Variants in LRFN5 observed in about 807,000 individuals in gnomAD.
LRFN5 encodes leucine-rich repeat and fibronectin type-III domain-containing protein 5.
Under a neutral mutation model 45.6 loss-of-function variants are expected in LRFN5, and 24 were observed. The ratio of observed to expected loss-of-function variants is 0.53; its 90% CI spans 0.38 to 0.74. LRFN5 has a LOEUF of 0.74. LRFN5 is among the 30% of genes least tolerant of loss of function. The pLI, the probability that LRFN5 is intolerant of heterozygous loss-of-function variation, is 0.00. For missense variants in LRFN5, 776 were observed against 861.5 expected, an observed-to-expected ratio of 0.90 and a Z score of 1.24; for synonymous variants, 340 against 313.8, an observed-to-expected ratio of 1.08 and a Z score of -0.88.
chr14:41,667,571 C>T (rs903801520), intron 1 of LRFN5, among the ~76,000 whole-genome samples: 7 of 152,152 alleles, frequency 4.6e-5, no homozygotes, highest in Non-Finnish European at 1.0e-4. Context: ...TGCCCCTTTC[C>T]TGAATCTATA....
intron 2 of LRFN5, among the ~76,000 whole-genome samples, chr14:41,795,283 G>A (rs1237165091): frequency 6.6e-6 from 1 of 152,074 alleles, no homozygotes; most frequent in Non-Finnish European, 1.5e-5. Context: ...AACAATAGGT[G>A]CTGGAGAGGA....
rs74047917 is a variant in LRFN5 at position 41,745,264 on chromosome 14, A to G, written c.-196-21590A>G. ...AATTTGTCAAAATTAAATAACATAT[A>G]TTTGTGGAAATTAAATAACACAAAT... On this transcript the variant is annotated intron_variant, in intron 1 of 5. Coordinates refer to ENST00000298119, the MANE Select transcript of LRFN5 (RefSeq NM_152447.5). 1.6e-3 allele frequency among the ~76,000 whole-genome samples: 237 copies of G among 152,258 alleles called. 1 individual carries two copies. Among genetic ancestry groups the G allele is most frequent in the African/African-American group, 5.5e-3 (227 of 41,578 alleles).
intron 1 of LRFN5, among the ~76,000 whole-genome samples, chr14:41,754,009 C>G (rs934938744): frequency 6.6e-6 from 1 of 152,160 alleles, no homozygotes; most frequent in African/African-American, 2.4e-5. Context: ...TTTTCTGCAT[C>G]TATTGAGATA....
intron 5 of LRFN5, 78 bp downstream of exon 5, chr14:41,899,038 AGTTT>A: frequency 1.7e-6 from 2 of 1,162,186 alleles, no homozygotes; most frequent in Non-Finnish European, 1.2e-6. Flanking sequence ...TTAAGTAATT[AGTTT>A]GCTAATTTAT....
At chr14:41,728,642 A>C (rs1216707992) in intron 1 of LRFN5, among the ~76,000 whole-genome samples, 4 of 152,156 alleles carry the variant, frequency 2.6e-5, no homozygotes, top group African/African-American at 9.6e-5. Flanking sequence ...TTTCTCTCCT[A>C]ATTCTTTATC....
At chr14:41,699,785 A>C (rs1462531984) in intron 1 of LRFN5, 1 of 152,106 alleles carries the variant, frequency 6.6e-6, no homozygotes, top group African/African-American at 2.4e-5. Flanking sequence ...CATCAACAGA[A>C]CATTTGAAAG....
chr14:41,893,986 T>C lies in LRFN5; in HGVS notation c.2098+2024T>C, dbSNP rs371355733. On this transcript the variant is annotated intron_variant, in intron 4 of 5. Coordinates refer to ENST00000298119, the MANE Select transcript of LRFN5 (RefSeq NM_152447.5). ...TTCAGTACTATTAATGTAGTAATGC[T>C]CTAATTCCAACTAAATATTTTTAAT... The C allele has an allele frequency of 1.6e-4, 159 of 984,794 alleles. No homozygotes were observed. In the African/African-American group the frequency reaches 2.3e-3, roughly 14 times the overall value. 61.0% of individuals were successfully genotyped at this position (984,794 alleles called of 1,614,324 possible). A position where few individuals can be genotyped will look rare whatever the true frequency, so the allele number is the denominator to read the frequency against.
At chr14:41,723,011 C>G (rs1883789823) in intron 1 of LRFN5, among the ~76,000 whole-genome samples, 1 of 152,146 alleles carries the variant, frequency 6.6e-6, no homozygotes, top group Admixed American at 6.5e-5. Flanking sequence ...CTCCTTGGCC[C>G]CAAGCTCTCT....
rs79033448 is a variant in LRFN5, at chr14:41,700,818, T to C, written c.-196-66036T>C. 7.5e-3 allele frequency: 1,149 copies of C among 152,212 alleles called. 11 individuals carry two copies. Among genetic ancestry groups the C allele is most frequent in the Non-Finnish European group, 0.012 (809 of 68,000 alleles). 9.4% of individuals were successfully genotyped at this position (152,212 alleles called of 1,614,324 possible). On this transcript the variant is annotated intron_variant, in intron 1 of 5. Coordinates refer to ENST00000298119, the MANE Select transcript of LRFN5 (RefSeq NM_152447.5). ...GAAATTTCTTGTCCAGAAACAGCTA[T>C]CTCTTAGATAATGGTTGGGACTAGA...
rs189581554 is a variant in LRFN5 at position 41,894,799 on chromosome 14, A to C, written c.2098+2837A>C. ...GAATTTTCATTTGTTAGTACAATAC[A>C]GATTTGTTATCTAAATATTATATTA... On this transcript the variant is annotated intron_variant, in intron 4 of 5. Transcript: ENST00000298119. 1.3e-3 allele frequency: 1,278 copies of C among 981,560 alleles called. 2 individuals are homozygous for C. The highest frequency in any genetic ancestry group is 1.5e-3 in the Non-Finnish European group (1,215 of 826,496). 60.8% of individuals were successfully genotyped at this position (981,560 alleles called of 1,614,324 possible).
rs755812864 is a variant in LRFN5 at position 41,887,717 on chromosome 14, G to A, written c.1092G>A (p.Gly364=). 5.0e-6 allele frequency: 8 copies of A among 1,613,908 alleles called. No individual in the cohort carries two copies. The highest frequency in any genetic ancestry group is 1.7e-5 in the Admixed American group (1 of 60,002). Residue 364 remains glycine (G), a synonymous_variant, in exon 3 of 6, where the codon GGG becomes GGA. Transcript: ENST00000298119. The surrounding 1 kb of genome is among the most constrained non-coding windows in gnomAD (Gnocchi z 4.8). ...AFTCIASNPA[G]EATQIVDLHI... ...CCTGCATTGCTTCCAATCCTGCTGG[G>A]GAAGCAACACAAATAGTGGATCTTC...
chr14:41,641,076 C>T (rs1266286345), intron 1 of LRFN5, among the ~76,000 whole-genome samples: 2 of 152,030 alleles, frequency 1.3e-5, no homozygotes, highest in East Asian at 1.9e-4. Flanking sequence ...AAAAAATTCA[C>T]ACTCTCTAAA....
intron 1 of LRFN5, among the ~76,000 whole-genome samples, chr14:41,759,679 C>A (rs145272539): frequency 3.8e-3 from 572 of 152,196 alleles, no homozygotes; most frequent in Middle Eastern, 0.02. Context: ...TGCTATAATG[C>A]CATTGATGTG....
At chr14:41,653,645 G>A (rs993770970) in intron 1 of LRFN5, among the ~76,000 whole-genome samples, 3 of 152,092 alleles carry the variant, frequency 2.0e-5, no homozygotes, top group Non-Finnish European at 4.4e-5. Context: ...AAATTTTGTC[G>A]CATTGAAAGT....
chr14:41,792,309 A>G (rs900115772), intron 2 of LRFN5, among the ~76,000 whole-genome samples: 1 of 152,104 alleles, frequency 6.6e-6, no homozygotes, highest in Non-Finnish European at 1.5e-5. Flanking sequence ...ATAAGAGTCT[A>G]TGTTCAGCTG....
chr14:41,892,321 A>G (rs1272599882), intron 4 of LRFN5: 4 of 962,022 alleles, frequency 4.2e-6, no homozygotes, highest in Admixed American at 6.2e-5. Flanking sequence ...ATAACTATAT[A>G]TATGTATGTA....
chr14:41,787,882 C>T (rs1225458429), intron 2 of LRFN5, among the ~76,000 whole-genome samples: 3 of 151,942 alleles, frequency 2.0e-5, no homozygotes, highest in Admixed American at 1.3e-4. Flanking sequence ...GGACTTGTGC[C>T]TTTCGGGAGG....
At chr14:41,820,381 A>G (rs1242860209) in intron 2 of LRFN5, among the ~76,000 whole-genome samples, 2 of 151,784 alleles carry the variant, frequency 1.3e-5, no homozygotes, top group African/African-American at 4.8e-5. Flanking sequence ...TCCCATTTCC[A>G]TGGTGTATTT....
At chr14:41,734,654 T>G (rs1017775784) in intron 1 of LRFN5, among the ~76,000 whole-genome samples, 1 of 151,808 alleles carries the variant, frequency 6.6e-6, no homozygotes, top group Admixed American at 6.6e-5. Context: ...ATTAAATTCA[T>G]TTACATTCAA....
Sources: allele counts gnomAD v4.1 joint callset (sites outside exome capture counted in the v4.1 genomes callset), GRCh38; gene constraint gnomAD v4.1.1; non-coding constraint Gnocchi (gnomAD v3.1); transcripts MANE v1.5; gene names NCBI Gene and HGNC (gene_info 2026-07-23, HGNC 2026-07-21).